MAPK6: variants seen among roughly 807,000 people sequenced by gnomAD.
MAPK6 encodes the protein ERK-3.
In MAPK6, 19 loss-of-function variants were observed where a neutral mutation model predicts 59.3. The ratio of observed to expected loss-of-function variants is 0.32; its 90% CI spans 0.22 to 0.47. The LOEUF is 0.47. Among genes scored for constraint, MAPK6 ranks in the 20% least tolerant of loss-of-function variants. MAPK6 has a pLI of 1.00. For synonymous variants in MAPK6, 316 were observed against 290.3 expected (o/e 1.09, Z -0.90); for missense variants, 724 against 847.9 (o/e 0.85, Z 1.81).
chr15:52,054,693 G>T (rs189212549), intron 3 of MAPK6, among the ~76,000 whole-genome samples: 1 of 150,432 alleles, frequency 6.6e-6, no homozygotes, highest in Non-Finnish European at 1.5e-5. Context: ...TTACCTTCTC[G>T]AATGAACAAG....
intron 3 of MAPK6, chr15:52,056,761 T>G (rs2141113895): frequency 6.6e-6 from 1 of 152,420 alleles, no homozygotes; most frequent in East Asian, 1.9e-4. Flanking sequence ...TTGGGCTCCC[T>G]GCTTCTCTAG....
intron 1 of MAPK6, among the ~76,000 whole-genome samples, chr15:51,981,451 G>A (rs950552768): frequency 4.1e-5 from 6 of 146,032 alleles, no homozygotes; most frequent in African/African-American, 1.5e-4. Flanking sequence ...CAGCCTGGGT[G>A]ACAGAGCGAG....
intron 2 of MAPK6, among the ~76,000 whole-genome samples, chr15:51,992,254 G>A (rs113870430): frequency 0.014 from 2,041 of 147,206 alleles, 45 homozygotes; most frequent in African/African-American, 0.051. Context: ...CACCGCACCC[G>A]GCTGTCCCTC....
chr15:51,978,267 G>T (rs187272011), intron 1 of MAPK6, among the ~76,000 whole-genome samples: 2 of 151,682 alleles, frequency 1.3e-5, no homozygotes. Context: ...CGACTAGCTG[G>T]GCTTAGAGGC....
At position 52,065,653 on chromosome 15, in the gene MAPK6, C is replaced by T. The variant is rs2032389786; in HGVS notation, c.*653C>T. 1 of 152,578 alleles carries T rather than the reference C, an allele frequency of 6.6e-6. No individual in the cohort carries two copies. Among genetic ancestry groups the T allele is most frequent in the African/African-American group, 2.4e-5 (1 of 41,438 alleles). The allele number at this position is 152,578 out of a possible 1,614,324, so 9.5% of individuals were successfully genotyped here. ...CATTCTTTATAGTGAAGTGTTAATA[C>T]ATCACATCTTATTTATTTTAGCAAA... On this transcript the variant is annotated 3_prime_UTR_variant, in exon 6 of 6. Coordinates refer to ENST00000261845, the MANE Select transcript of MAPK6 (RefSeq NM_002748.4).
intron 1 of MAPK6, among the ~76,000 whole-genome samples, chr15:51,973,239 C>T (rs950050680): frequency 3.3e-5 from 5 of 151,910 alleles, no homozygotes; most frequent in African/African-American, 4.8e-5. Flanking sequence ...AGAGAAGATA[C>T]ATAGATAACC....
intron 2 of MAPK6, among the ~76,000 whole-genome samples, chr15:51,983,981 G>C (rs1342536303): frequency 6.8e-6 from 1 of 146,784 alleles, no homozygotes; most frequent in Non-Finnish European, 1.5e-5. Flanking sequence ...GCAAGATACT[G>C]TCTCATTAAA....
intron 2 of MAPK6, among the ~76,000 whole-genome samples, chr15:51,990,526 G>C (rs2057204777): frequency 6.6e-6 from 1 of 152,184 alleles, no homozygotes; most frequent in Admixed American, 6.5e-5. Flanking sequence ...ATAAAAATAT[G>C]GGCTTATGGC....
At chr15:51,994,440 C>A (rs887092948) in intron 2 of MAPK6, among the ~76,000 whole-genome samples, 1 of 152,062 alleles carries the variant, frequency 6.6e-6, no homozygotes, top group Non-Finnish European at 1.5e-5. Flanking sequence ...TATAGAATGT[C>A]TTTTAATTTA....
chr15:52,057,054 T>G (rs2032012193), intron 3 of MAPK6: 1 of 152,232 alleles, frequency 6.6e-6, no homozygotes, highest in South Asian at 2.1e-4. Context: ...AAAAATCTTG[T>G]CATTGTCCTT....
intron 5 of MAPK6, among the ~76,000 whole-genome samples, chr15:52,062,479 G>C (rs2032241307): frequency 6.6e-6 from 1 of 152,124 alleles, no homozygotes; most frequent in South Asian, 2.1e-4. Context: ...TTCTAGGAAA[G>C]TTTGGCTGGG....
rs764503300 is a variant in MAPK6 at position 52,064,926 on chromosome 15, A to C, written c.2092A>C (p.Thr698Pro). Residue 698 changes from threonine (T) to proline (P), a missense_variant, in exon 6 of 6, where the codon ACA (threonine) becomes CCA (proline). Physicochemically the swap from Thr to Pro is conservative, Grantham distance 38. Coordinates refer to ENST00000261845, the MANE Select transcript of MAPK6 (RefSeq NM_002748.4). ...SPLKSIQATL[T>P]PSAMKSSPQI... Reference sequence around the variant, plus strand: ...ACTTAAGTCAATACAGGCCACATTAACACCTTCTGCTATGAAATCTTCCCC... The same window carrying C: ...ACTTAAGTCAATACAGGCCACATTACCACCTTCTGCTATGAAATCTTCCCC... The C allele has an allele frequency of 6.2e-7, 1 of 1,611,930 alleles. No homozygotes were observed. The highest frequency in any genetic ancestry group is 2.2e-5 in the East Asian group (1 of 44,886).
intron 1 of MAPK6, among the ~76,000 whole-genome samples, chr15:51,972,965 C>T (rs1225146720): frequency 6.6e-6 from 1 of 151,744 alleles, no homozygotes; most frequent in African/African-American, 2.4e-5. Context: ...GCTATGATCA[C>T]GCCACTTCAC....
At chr15:51,983,194 AT>A (rs895962222) in intron 1 of MAPK6, among the ~76,000 whole-genome samples, 3 of 151,624 alleles carry the variant, frequency 2.0e-5, no homozygotes, top group African/African-American at 7.3e-5. Flanking sequence ...AACCTTTAGA[AT>A]TTTTTTTTAG....
At chr15:52,034,764 C>G in intron 1 of MAPK6, among the ~76,000 whole-genome samples, 1 of 152,134 alleles carries the variant, frequency 6.6e-6, no homozygotes, top group East Asian at 1.9e-4. Context: ...GTGGTGTGAT[C>G]TCAGCTCACT....
chr15:51,985,287 G>A (rs1388893137), intron 2 of MAPK6, among the ~76,000 whole-genome samples: 2 of 151,978 alleles, frequency 1.3e-5, no homozygotes, highest in African/African-American at 2.4e-5. Flanking sequence ...AGGCTACCAT[G>A]AGCCACAATC....
At chr15:52,042,449 T>G (rs2031454512) in intron 1 of MAPK6, among the ~76,000 whole-genome samples, 1 of 152,114 alleles carries the variant, frequency 6.6e-6, no homozygotes, top group South Asian at 2.1e-4. Context: ...CACTCTTACC[T>G]CGTTAAGTGC....
chr15:52,057,606 A>T (rs946374198), intron 3 of MAPK6, among the ~76,000 whole-genome samples: 1 of 151,602 alleles, frequency 6.6e-6, no homozygotes, highest in African/African-American at 2.4e-5. Context: ...GTGCAGTGAC[A>T]TGATCTTGGC....
rs1385362138 is a variant in MAPK6, at chr15:52,066,766, G to GTT, written c.*1767_*1768insTT. ...TTCACAAAGCCATATATATACACGT[G>GTT]TGTGTGTGTGTGTGTGTGTGTGTGT... On this transcript the variant is annotated 3_prime_UTR_variant, in exon 6 of 6. Transcript: ENST00000261845. 1 of 69,964 alleles carries GTT rather than the reference G, an allele frequency of 1.4e-5. No individual in the cohort carries two copies. The highest frequency in any genetic ancestry group is 2.8e-5 in the Non-Finnish European group (1 of 36,184). The allele number at this position is 69,964 out of a possible 1,614,324, so 4.3% of individuals were successfully genotyped here. A position where few individuals can be genotyped will look rare whatever the true frequency, so the allele number is the denominator to read the frequency against.
Sources: gnomAD v4.1 joint callset for allele counts (sites outside exome capture counted in the v4.1 genomes callset) on GRCh38, gnomAD v4.1.1 for gene constraint, MANE v1.5 for transcripts, NCBI Gene and HGNC (gene_info 2026-07-23, HGNC 2026-07-21) for gene names.